VWA8: variants seen among roughly 807,000 people sequenced by gnomAD.
The protein encoded by VWA8 is von Willebrand factor A domain-containing protein 8.
A neutral mutation model predicts 241.5 loss-of-function variants in VWA8; 221 were observed. That is an observed-to-expected ratio of 0.91 (90% confidence interval 0.82 to 1.02). VWA8 has a LOEUF of 1.02. VWA8 is among the 50% of genes least tolerant of loss of function. The pLI, the probability that VWA8 is intolerant of heterozygous loss-of-function variation, is 0.00. For missense variants in VWA8, 2,322 were observed against 2,328.7 expected, an observed-to-expected ratio of 1.00 and a Z score of 0.06; for synonymous variants, 852 against 827.1, an observed-to-expected ratio of 1.03 and a Z score of -0.52.
At chr13:41,812,415 G>A (rs1162615896) in intron 16 of VWA8, among the ~76,000 whole-genome samples, 2 of 152,100 alleles carry the variant, frequency 1.3e-5, no homozygotes, top group African/African-American at 4.8e-5. Context: ...ACCTTTGGGA[G>A]GGCAAGGCAG....
intron 12 of VWA8, among the ~76,000 whole-genome samples, chr13:41,856,384 A>AG (rs1872751744): frequency 6.6e-6 from 1 of 152,228 alleles, no homozygotes; most frequent in South Asian, 2.1e-4. Context: ...AAGACTAGAA[A>AG]GGCAATAACT....
At chr13:41,658,356 T>G (rs1029071968) in intron 37 of VWA8, among the ~76,000 whole-genome samples, 1 of 152,260 alleles carries the variant, frequency 6.6e-6, no homozygotes, top group African/African-American at 2.4e-5. Context: ...CCTGAGCATT[T>G]TCCTTGATTG....
intron 20 of VWA8, among the ~76,000 whole-genome samples, chr13:41,777,383 A>G (rs1868654668): frequency 6.6e-6 from 1 of 152,162 alleles, no homozygotes; most frequent in South Asian, 2.1e-4. Context: ...CAGAAGGAAG[A>G]GCATGTACTG....
chr13:41,847,713 C>T (rs551951731), intron 12 of VWA8, among the ~76,000 whole-genome samples: 4 of 152,094 alleles, frequency 2.6e-5, no homozygotes, highest in Non-Finnish European at 5.9e-5. Flanking sequence ...TGGGTAACCT[C>T]GTTAATGGAA....
intron 21 of VWA8, among the ~76,000 whole-genome samples, chr13:41,760,096 C>T (rs1466373499): frequency 6.6e-6 from 1 of 151,686 alleles, no homozygotes; most frequent in Admixed American, 6.6e-5. Context: ...AAGATAAATA[C>T]CCTTCTGAAT....
intron 40 of VWA8, among the ~76,000 whole-genome samples, chr13:41,595,238 A>G (rs2044480578): frequency 1.3e-5 from 2 of 152,158 alleles, no homozygotes; most frequent in Non-Finnish European, 1.5e-5. Context: ...TTTTCCCATA[A>G]TGATTATCTG....
chr13:41,792,565 T>A (rs1315888304), intron 17 of VWA8, among the ~76,000 whole-genome samples: 1 of 152,008 alleles, frequency 6.6e-6, no homozygotes, highest in African/African-American at 2.4e-5. Flanking sequence ...CCCTCATTAA[T>A]CTTATCAAAA....
intron 37 of VWA8, among the ~76,000 whole-genome samples, chr13:41,625,855 G>A (rs1349520603): frequency 6.6e-6 from 1 of 151,710 alleles, no homozygotes; most frequent in Non-Finnish European, 1.5e-5. Flanking sequence ...ATGATAGACT[G>A]GATTAAGAAA....
chr13:41,913,552 T>C (rs1876111351), intron 2 of VWA8, among the ~76,000 whole-genome samples: 1 of 152,210 alleles, frequency 6.6e-6, no homozygotes, highest in Non-Finnish European at 1.5e-5. Flanking sequence ...CTAGTGCTTC[T>C]AGTGCTTCTC....
At position 41,759,697 on chromosome 13, in the gene VWA8, C is replaced by T. The variant is rs575907473; in HGVS notation, c.2426+1431G>A. Among the ~76,000 whole-genome samples, 6 of 151,744 alleles carry T rather than the reference C, an allele frequency of 4.0e-5. No individual in the cohort carries two copies. In the East Asian group the frequency reaches 1.2e-3, roughly 29 times the overall value. On this transcript the variant is annotated intron_variant, in intron 21 of 44. Coordinates refer to ENST00000379310, the MANE Select transcript of VWA8 (RefSeq NM_015058.2). The stretch of plus-strand genomic sequence containing the variant: ...AGTCCTTGTCTGCTAATTCCATTAT[C>T]CTGTCATTTTTAGTCTATTTCTATT...
chr13:41,756,578 A>G (rs912007236), intron 21 of VWA8, among the ~76,000 whole-genome samples: 2 of 151,676 alleles, frequency 1.3e-5, no homozygotes, highest in African/African-American at 4.8e-5. Context: ...ATTTTTAAAT[A>G]TTAAATTTAA....
At chr13:41,777,770 A>C (rs774401960) in intron 20 of VWA8, among the ~76,000 whole-genome samples, 1 of 152,200 alleles carries the variant, frequency 6.6e-6, no homozygotes, top group African/African-American at 2.4e-5. Context: ...GATACTTATA[A>C]GACAGAATGT....
At chr13:41,817,888 T>C (rs746974927) in intron 15 of VWA8, among the ~76,000 whole-genome samples, 13 of 152,178 alleles carry the variant, frequency 8.5e-5, no homozygotes, top group Non-Finnish European at 1.6e-4. Context: ...TGATGAGCAT[T>C]GTATATATGC....
chr13:41,827,944 T>C (rs919620737), intron 14 of VWA8, among the ~76,000 whole-genome samples: 1 of 152,238 alleles, frequency 6.6e-6, no homozygotes, highest in Non-Finnish European at 1.5e-5. Flanking sequence ...CTGTGAACTA[T>C]TGCAAAATTG....
intron 43 of VWA8, among the ~76,000 whole-genome samples, chr13:41,572,344 C>A (rs9594578): frequency 6.6e-6 from 1 of 152,062 alleles, no homozygotes. Flanking sequence ...ACGATGGCGG[C>A]TTTGTCGAAT....
intron 4 of VWA8, among the ~76,000 whole-genome samples, chr13:41,893,079 C>T (rs11840935): frequency 0.064 from 9,802 of 152,080 alleles, 398 homozygotes; most frequent in East Asian, 0.12. Context: ...TTTAATTTTC[C>T]CTATAGTAAT....
At chr13:41,604,284 T>C (rs761142682) in intron 40 of VWA8, among the ~76,000 whole-genome samples, 1 of 152,214 alleles carries the variant, frequency 6.6e-6, no homozygotes, top group Non-Finnish European at 1.5e-5. Context: ...TAAAATCTTA[T>C]GCTGTTTTAT....
chr13:41,882,649 C>G (rs1041043462), intron 9 of VWA8, among the ~76,000 whole-genome samples: 1 of 152,214 alleles, frequency 6.6e-6, no homozygotes, highest in Non-Finnish European at 1.5e-5. Flanking sequence ...CAAAAAAATA[C>G]GAAAACCAGT....
chr13:41,637,234 T>TA (rs1419164886), intron 37 of VWA8, among the ~76,000 whole-genome samples: 1 of 151,100 alleles, frequency 6.6e-6, no homozygotes, highest in African/African-American at 2.4e-5. Context: ...TATGCAGCCA[T>TA]AAAAAATGAT....
Sources: allele counts gnomAD v4.1 joint callset (sites outside exome capture counted in the v4.1 genomes callset), GRCh38; gene constraint gnomAD v4.1.1; transcripts MANE v1.5; gene names NCBI Gene and HGNC (gene_info 2026-07-23, HGNC 2026-07-21).